Variants in MAP3K4 observed in about 807,000 individuals in gnomAD.
MAP3K4 encodes MAP three kinase 1.
Under a neutral mutation model 185.6 loss-of-function variants are expected in MAP3K4, and 67 were observed. That is an observed-to-expected ratio of 0.36 (90% CI 0.30 to 0.44). The LOEUF (loss-of-function observed/expected upper bound fraction) is 0.44, where lower values mean the gene tolerates loss of function less well. Among genes scored for constraint, MAP3K4 ranks in the 20% least tolerant of loss-of-function variants. The pLI is 1.00. For synonymous variants in MAP3K4, 702 were observed against 710.4 expected (o/e 0.99, Z 0.19); for missense variants, 1,551 against 1,995.1 (o/e 0.78, Z 4.24).
chr6:161,085,621 A>G (rs369774978), intron 7 of MAP3K4, among the ~76,000 whole-genome samples: 1 of 152,242 alleles, frequency 6.6e-6, no homozygotes, highest in Admixed American at 6.5e-5. Flanking sequence ...TTTTATGCCA[A>G]GGTTAAAGAA....
At chr6:161,105,961 A>T (rs1055891960) in intron 19 of MAP3K4, among the ~76,000 whole-genome samples, 3 of 151,248 alleles carry the variant, frequency 2.0e-5, no homozygotes, top group African/African-American at 7.3e-5. Context: ...TCAGCCTCCC[A>T]AGTAGCTGGG....
intron 4 of MAP3K4, among the ~76,000 whole-genome samples, chr6:161,072,826 C>T (rs772056201): frequency 6.6e-6 from 1 of 152,182 alleles, no homozygotes; most frequent in Non-Finnish European, 1.5e-5. Context: ...TGTCTCATTT[C>T]AACCTTCTGC....
At position 161,017,320 on chromosome 6, in the gene MAP3K4, T is replaced by G. The variant is rs1425202760; in HGVS notation, c.153-16939T>G. On this transcript the variant is annotated intron_variant, in intron 1 of 26. Coordinates refer to ENST00000392142, the MANE Select transcript of MAP3K4 (RefSeq NM_005922.4). The surrounding 1 kb of genome is among the most constrained non-coding windows in gnomAD (Gnocchi z 5.1). Reference sequence around the variant, plus strand: ...AAGTCAAAACAATTTGGTGGCATACTTGTTTCTGTTAATGATATTTCCCCC... The same window carrying G: ...AAGTCAAAACAATTTGGTGGCATACGTGTTTCTGTTAATGATATTTCCCCC... Among the ~76,000 whole-genome samples the G allele has an allele frequency of 6.6e-6, 1 of 152,174 alleles. No individual in the cohort carries two copies. The highest frequency in any genetic ancestry group is 1.5e-5 in the Non-Finnish European group (1 of 68,028).
At position 161,109,978 on chromosome 6, in the gene MAP3K4, C is replaced by A; in HGVS notation, c.4396+64C>A. On this transcript the variant is annotated intron_variant, in intron 23 of 26. Coordinates refer to ENST00000392142, the MANE Select transcript of MAP3K4 (RefSeq NM_005922.4). The surrounding 1 kb of genome is among the most constrained non-coding windows in gnomAD (Gnocchi z 5.7). ...ACTGGTACCCAGCCCGTGGGAGGTG[C>A]TCTGAAGACGCTCATCCCATTCCCA... 6.4e-7 allele frequency: 1 copy of A among 1,553,782 alleles called. No individual in the cohort carries two copies. The highest frequency in any genetic ancestry group is 8.8e-7 in the Non-Finnish European group (1 of 1,130,824).
chr6:160,992,246 G>A (rs1780752220), intron 1 of MAP3K4, 163 bp downstream of exon 1: 3 of 994,624 alleles, frequency 3.0e-6, no homozygotes, highest in South Asian at 1.9e-5. Flanking sequence ...GGGTCCCAGG[G>A]GACCGCGTCT....
chr6:161,044,379 T>A (rs1162951599), intron 2 of MAP3K4, among the ~76,000 whole-genome samples: 1 of 152,232 alleles, frequency 6.6e-6, no homozygotes, highest in African/African-American at 2.4e-5. Context: ...GAATTTAGTA[T>A]TAATAGGAAA....
chr6:161,080,621 A>G lies in MAP3K4; in HGVS notation c.2098-260A>G. ...TTTTTCCCCTTTATTGTAGATTGTG[A>G]ACATTTTTGTTGTTAGGATTTTGAA... On this transcript the variant is annotated intron_variant, in intron 5 of 26. Transcript: ENST00000392142. The surrounding 1 kb of genome is among the most constrained non-coding windows in gnomAD (Gnocchi z 4.8). The G allele has an allele frequency of 2.4e-6, 1 of 413,098 alleles. No homozygotes were observed. The highest frequency in any genetic ancestry group is 4.4e-6 in the Non-Finnish European group (1 of 227,158). 25.6% of individuals were successfully genotyped at this position (413,098 alleles called of 1,614,324 possible). A position where few individuals can be genotyped will look rare whatever the true frequency, so the allele number is the denominator to read the frequency against.
chr6:161,012,198 G>C (rs115712782), intron 1 of MAP3K4, among the ~76,000 whole-genome samples: 7,106 of 152,246 alleles, frequency 0.047, 206 homozygotes, highest in Non-Finnish European at 0.055. Context: ...TTGCCTCTGA[G>C]AATTTAGAGT....
At chr6:161,001,108 A>ATAT (rs942843343) in intron 1 of MAP3K4, among the ~76,000 whole-genome samples, 3 of 143,790 alleles carry the variant, frequency 2.1e-5, no homozygotes, top group Non-Finnish European at 4.5e-5. Context: ...TATATAATAT[A>ATAT]TATTATATAC....
At chr6:161,012,698 T>A (rs1781906145) in intron 1 of MAP3K4, among the ~76,000 whole-genome samples, 1 of 152,194 alleles carries the variant, frequency 6.6e-6, no homozygotes, top group African/African-American at 2.4e-5. Flanking sequence ...ATATGTTGTT[T>A]CCTTAGACAT....
intron 15 of MAP3K4, among the ~76,000 whole-genome samples, chr6:161,094,053 C>T (rs1420599752): frequency 6.6e-6 from 1 of 152,226 alleles, no homozygotes; most frequent in Admixed American, 6.5e-5. Flanking sequence ...ATTAAAACGT[C>T]AGCCATACGC....
intron 1 of MAP3K4, among the ~76,000 whole-genome samples, chr6:160,999,692 G>A (rs551176573): frequency 7.2e-5 from 11 of 152,194 alleles, no homozygotes; most frequent in African/African-American, 2.2e-4. Flanking sequence ...CCCTCGCATC[G>A]CCATGTGCTC....
chr6:161,091,311 C>G lies in MAP3K4; in HGVS notation c.2974-68C>G. ...TCTGTGTGATGATGAACGAAATCTT[C>G]CTTTAAAATGTGGTAAGTATTGTAT... On this transcript the variant is annotated intron_variant, in intron 11 of 26. Coordinates refer to ENST00000392142, the MANE Select transcript of MAP3K4 (RefSeq NM_005922.4). This position sits in a 1 kb window ranked among gnomAD's most constrained non-coding sequence, Gnocchi z 5.5. 1 of 1,328,578 alleles carries G rather than the reference C, an allele frequency of 7.5e-7. No individual in the cohort carries two copies. The highest frequency in any genetic ancestry group is 1.0e-6 in the Non-Finnish European group (1 of 973,982). 82.3% of individuals were successfully genotyped at this position (1,328,578 alleles called of 1,614,324 possible).
At chr6:161,050,456 A>G (rs1212859015) in intron 3 of MAP3K4, among the ~76,000 whole-genome samples, 1 of 152,200 alleles carries the variant, frequency 6.6e-6, no homozygotes, top group African/African-American at 2.4e-5. Context: ...AAAGAGATGT[A>G]AATTATAGAG....
Position 161,049,579 on chromosome 6 carries a change from A to T in MAP3K4, c.1307A>T (p.Lys436Ile). ...VFEIPSPRPSKGNEPEYEGDD... is the reference protein window; with the variant it reads ...VFEIPSPRPSIGNEPEYEGDD... ...GAAATCCCTTCCCCTCGACCATCCAAAGGTAATGAGCCGGAGTATGAGGGT... is the reference window on the plus strand; with the variant it reads ...GAAATCCCTTCCCCTCGACCATCCATAGGTAATGAGCCGGAGTATGAGGGT... The change falls in exon 3 of 27, where the codon AAA becomes ATA. Residue 436 changes from lysine to isoleucine, a missense_variant. Physicochemically the swap from Lys to Ile is moderately radical, Grantham distance 102. This residue lies in a region of MAP3K4 where 126 missense variants were observed against 112.8 expected (regional missense o/e 1.12). Coordinates refer to ENST00000392142, the MANE Select transcript of MAP3K4 (RefSeq NM_005922.4). This position sits in a 1 kb window ranked among gnomAD's most constrained non-coding sequence, Gnocchi z 8.4. The T allele has an allele frequency of 1.9e-6, 3 of 1,614,170 alleles. No individual in the cohort carries two copies. The highest frequency in any genetic ancestry group is 2.5e-6 in the Non-Finnish European group (3 of 1,180,030).
chr6:161,009,053 C>T (rs1042312502), intron 1 of MAP3K4, among the ~76,000 whole-genome samples: 1 of 150,098 alleles, frequency 6.7e-6, no homozygotes, highest in African/African-American at 2.5e-5. Context: ...GGCACGATCT[C>T]GGCTTACCAC....
In MAP3K4 at chr6:161,074,577, T is replaced by C. The variant is rs1210681934; in HGVS notation, c.2097+965T>C. ...TTTTCTCAGGTTGCCCTAATTAGAC[T>C]GAAAGCTTCATGAGCCAAGGGCTAT... On this transcript the variant is annotated intron_variant, in intron 5 of 26. Coordinates refer to ENST00000392142, the MANE Select transcript of MAP3K4 (RefSeq NM_005922.4). This position sits in a 1 kb window ranked among gnomAD's most constrained non-coding sequence, Gnocchi z 5.0. Among the ~76,000 whole-genome samples the C allele has an allele frequency of 6.6e-6, 1 of 152,276 alleles. No individual in the cohort carries two copies. The highest frequency in any genetic ancestry group is 1.5e-5 in the Non-Finnish European group (1 of 68,044).
rs967319561 is a variant in MAP3K4, at chr6:161,108,791, G to A, written c.4168G>A (p.Glu1390Lys). Residue 1390 changes from glutamate (E) to lysine (K), a missense_variant, in exon 22 of 27, where the codon GAA becomes AAA. By Grantham distance (56) the Glu-to-Lys change is moderately conservative (BLOSUM62 1). Coordinates refer to ENST00000392142, the MANE Select transcript of MAP3K4 (RefSeq NM_005922.4). This position sits in a 1 kb window ranked among gnomAD's most constrained non-coding sequence, Gnocchi z 5.7. ...TAAGACTATCAAGGAAACTGCAGAC[G>A]AATTGAAAATATTCGAAGGCATCAA... ...DHKTIKETAD[E>K]LKIFEGIKHP... The A allele has an allele frequency of 1.2e-6, 2 of 1,614,024 alleles. No individual in the cohort carries two copies. The highest frequency in any genetic ancestry group is 1.7e-6 in the Non-Finnish European group (2 of 1,179,980).
intron 1 of MAP3K4, among the ~76,000 whole-genome samples, chr6:160,992,560 T>C (rs996079402): frequency 6.6e-6 from 1 of 152,184 alleles, no homozygotes; most frequent in East Asian, 1.9e-4. Flanking sequence ...TTTTGCCCGC[T>C]CCAGAGAATG....
Sources: gnomAD v4.1 joint callset for allele counts (sites outside exome capture counted in the v4.1 genomes callset) on GRCh38, gnomAD v4.1.1 for gene constraint, gnomAD v4.1.1 regional missense constraint, Gnocchi (gnomAD v3.1) non-coding constraint, MANE v1.5 for transcripts, NCBI Gene and HGNC (gene_info 2026-07-23, HGNC 2026-07-21) for gene names.